The following ULK4 variants were observed in gnomAD, a reference collection of about 807,000 sequenced individuals.
ULK4 encodes inactive serine/threonine-protein kinase ULK4.
ULK4 carries 133 observed loss-of-function variants against 160.6 expected under a neutral mutation model. That is an observed-to-expected ratio of 0.83 (90% confidence interval 0.72 to 0.96). ULK4 has a LOEUF of 0.96. ULK4 is among the 40% of genes least tolerant of loss of function. The pLI, the probability that ULK4 is intolerant of heterozygous loss-of-function variation, is 0.00. For synonymous variants in ULK4, 534 were observed against 539.8 expected (o/e 0.99, Z 0.15); for missense variants, 1,580 against 1,499.5 (o/e 1.05, Z -0.89).
chr3:41,587,493 G>A (rs951025410), intron 31 of ULK4, among the ~76,000 whole-genome samples: 1 of 152,156 alleles, frequency 6.6e-6, no homozygotes, highest in African/African-American at 2.4e-5. Context: ...AAAATGCATT[G>A]AGGTTGAATT....
chr3:41,849,452 G>C (rs1445946495), intron 17 of ULK4, among the ~76,000 whole-genome samples: 2 of 152,134 alleles, frequency 1.3e-5, no homozygotes, highest in Admixed American at 6.5e-5. Context: ...ACGCCATGAA[G>C]ACGGTAAAAA....
intron 17 of ULK4, among the ~76,000 whole-genome samples, chr3:41,841,841 C>T (rs1028845750): frequency 6.6e-6 from 1 of 152,136 alleles, no homozygotes; most frequent in Non-Finnish European, 1.5e-5. Context: ...ACCTTACCCC[C>T]AACCCCGTGC....
chr3:41,285,976 G>A (rs1219189565), intron 35 of ULK4, among the ~76,000 whole-genome samples: 1 of 152,106 alleles, frequency 6.6e-6, no homozygotes, highest in African/African-American at 2.4e-5. Flanking sequence ...AAAATTTGGT[G>A]GCTAGAGACA....
At chr3:41,886,724 C>T (rs1349643043) in intron 16 of ULK4, among the ~76,000 whole-genome samples, 1 of 152,048 alleles carries the variant, frequency 6.6e-6, no homozygotes, top group Non-Finnish European at 1.5e-5. Flanking sequence ...TACAGGCACG[C>T]ACCACCATGC....
intron 19 of ULK4, among the ~76,000 whole-genome samples, chr3:41,805,849 G>A (rs1206290825): frequency 6.9e-6 from 1 of 145,562 alleles, no homozygotes; most frequent in African/African-American, 2.6e-5. Flanking sequence ...TGATCATGGT[G>A]GATAAGCTTT....
At chr3:41,931,573 C>T (rs1486351162) in intron 5 of ULK4, among the ~76,000 whole-genome samples, 1 of 151,894 alleles carries the variant, frequency 6.6e-6, no homozygotes, top group African/African-American at 2.4e-5. Flanking sequence ...CATTCCCTTC[C>T]TATGTGCTAA....
chr3:41,343,491 G>A (rs908182089), intron 35 of ULK4, among the ~76,000 whole-genome samples: 2 of 151,254 alleles, frequency 1.3e-5, no homozygotes, highest in Admixed American at 6.6e-5. Flanking sequence ...TTTTAGTAGA[G>A]AGGGGTTTCA....
chr3:41,352,465 A>T (rs1370774000), intron 35 of ULK4, among the ~76,000 whole-genome samples: 1 of 152,208 alleles, frequency 6.6e-6, no homozygotes, highest in Non-Finnish European at 1.5e-5. Flanking sequence ...TGATGTTCTC[A>T]TGGAGGAATT....
chr3:41,665,704 T>A (rs2125766502), intron 29 of ULK4, among the ~76,000 whole-genome samples: 1 of 152,112 alleles, frequency 6.6e-6, no homozygotes, highest in African/African-American at 2.4e-5. Context: ...CAAGCAAAAA[T>A]CTTTAGGGAT....
chr3:41,266,345 G>A (rs1318969385), intron 35 of ULK4, among the ~76,000 whole-genome samples: 1 of 152,164 alleles, frequency 6.6e-6, no homozygotes, highest in Non-Finnish European at 1.5e-5. Context: ...AATCTCTAAT[G>A]GGTGAAGCTG....
At chr3:41,661,990 A>G (rs2035187986) in intron 30 of ULK4, among the ~76,000 whole-genome samples, 1 of 152,204 alleles carries the variant, frequency 6.6e-6, no homozygotes, top group Admixed American at 6.5e-5. Context: ...GAATGAGCCA[A>G]AGTTACATTT....
At chr3:41,932,177 T>C (rs1208133446) in intron 4 of ULK4, among the ~76,000 whole-genome samples, 171 bp from the exon 5 acceptor site, 2 of 152,236 alleles carry the variant, frequency 1.3e-5, no homozygotes, top group Non-Finnish European at 2.9e-5. Flanking sequence ...TAAATCCAAC[T>C]TTTTAATAAT....
intron 32 of ULK4, among the ~76,000 whole-genome samples, chr3:41,510,299 T>C (rs932864905): frequency 1.3e-5 from 2 of 152,138 alleles, no homozygotes; most frequent in African/African-American, 4.8e-5. Context: ...TAAATATGTA[T>C]GCACCTAATA....
intron 17 of ULK4, among the ~76,000 whole-genome samples, chr3:41,875,805 G>A (rs975547199): frequency 6.6e-6 from 1 of 151,840 alleles, no homozygotes; most frequent in African/African-American, 2.4e-5. Flanking sequence ...GAGCTAAAGT[G>A]GCACTGCAAA....
At chr3:41,501,263 C>T (rs1051362943) in intron 32 of ULK4, among the ~76,000 whole-genome samples, 5 of 152,084 alleles carry the variant, frequency 3.3e-5, no homozygotes, top group East Asian at 1.9e-4. Flanking sequence ...TTTGGGAGGC[C>T]GAGACGGGCG....
intron 32 of ULK4, among the ~76,000 whole-genome samples, chr3:41,520,822 T>C: frequency 6.6e-6 from 1 of 152,346 alleles, no homozygotes; most frequent in Non-Finnish European, 1.5e-5. Flanking sequence ...AGATATTGAT[T>C]ATTTTTTCAA....
rs1021186382 is a variant in ULK4 at position 41,311,479 on chromosome 3, G to T, written c.3679-61905C>A. Reference sequence around the variant, plus strand: ...ATCGGACTCCAAGTTCTTCAGTTTTGGGACTCAGACGGGCTCTCCTTGCTC... The same window carrying T: ...ATCGGACTCCAAGTTCTTCAGTTTTTGGACTCAGACGGGCTCTCCTTGCTC... On this transcript the variant is annotated intron_variant, in intron 35 of 36. Coordinates refer to ENST00000301831, the MANE Select transcript of ULK4 (RefSeq NM_017886.4). Among the ~76,000 whole-genome samples the T allele has an allele frequency of 2.6e-5, 4 of 152,146 alleles. No homozygotes were observed. In the East Asian group the frequency reaches 7.7e-4, roughly 29 times the overall value.
At chr3:41,865,270 TTAAAAAAAAAAAAAAAAAA>T (rs1310011789) in intron 17 of ULK4, among the ~76,000 whole-genome samples, 4 of 65,636 alleles carry the variant, frequency 6.1e-5, no homozygotes, top group Admixed American at 4.1e-4. Context: ...GACTCTGTCT[TTAAAAAAAAAAAAAAAAAA>T]AAAAAAAAAA....
At chr3:41,467,190 C>T (rs756707562) in intron 32 of ULK4, among the ~76,000 whole-genome samples, 21 of 152,096 alleles carry the variant, frequency 1.4e-4, no homozygotes, top group Non-Finnish European at 2.8e-4. Flanking sequence ...GTAAAATGAA[C>T]ACATATGTCC....
Sources: allele counts gnomAD v4.1 joint callset (sites outside exome capture counted in the v4.1 genomes callset), GRCh38; gene constraint gnomAD v4.1.1; transcripts MANE v1.5; gene names NCBI Gene and HGNC (gene_info 2026-07-23, HGNC 2026-07-21).